Variants in USB1 observed in about 807,000 individuals in gnomAD.
USB1 encodes the protein U6 snRNA biogenesis phosphodiesterase 1.
USB1 carries 21 observed loss-of-function variants against 29.9 expected under a neutral mutation model. That is an observed-to-expected ratio of 0.70 (90% confidence interval 0.50 to 1.01). USB1 has a LOEUF of 1.01. USB1 is among the 50% of genes least tolerant of loss of function. USB1 has a pLI of 0.00. For synonymous variants in USB1, 143 were observed against 134.9 expected, an observed-to-expected ratio of 1.06 and a Z score of -0.42; for missense variants, 330 against 347.1, an observed-to-expected ratio of 0.95 and a Z score of 0.39.
intron 1 of USB1, 78 bp downstream of exon 1, chr16:58,001,659 G>C (rs966809939): frequency 6.7e-7 from 1 of 1,492,398 alleles, no homozygotes; most frequent in Non-Finnish European, 9.1e-7. Context: ...TCTGGGGGTG[G>C]AGTGGGGAGG....
chr16:58,020,167 T>C lies in USB1; in HGVS notation c.720T>C (p.Ala240=), dbSNP rs1412951594. Residue 240 remains alanine (A), a synonymous_variant, in exon 7 of 7, where the codon GCT becomes GCC. Coordinates refer to ENST00000219281, the MANE Select transcript of USB1 (RefSeq NM_024598.4). ...CAATCGTGGATGGGTTTGAAGATGCTGAGGTGCTGCTGCGCGTGCACACTG... is the reference window on the plus strand; with the variant it reads ...CAATCGTGGATGGGTTTGAAGATGCCGAGGTGCTGCTGCGCGTGCACACTG... ...LQAIVDGFED[A]EVLLRVHTEQ... is the part of the protein sequence containing the mutation. 6.2e-7 allele frequency: 1 copy of C among 1,614,210 alleles called. No homozygotes were observed. Among genetic ancestry groups the C allele is most frequent in the East Asian group, 2.2e-5 (1 of 44,884 alleles).
In USB1 at chr16:58,019,034, G is replaced by A; in HGVS notation, c.672G>A (p.Gly224=). The A allele has an allele frequency of 1.2e-6, 2 of 1,614,172 alleles. No individual in the cohort carries two copies. Among genetic ancestry groups the A allele is most frequent in the Non-Finnish European group, 1.7e-6 (2 of 1,180,022 alleles). Reference sequence around the variant, plus strand: ...GTGATGCACGTCTCCAGCTGGAGGGGCAGTGCCTGCAGGAACTACAGGTGA... The same window carrying A: ...GTGATGCACGTCTCCAGCTGGAGGGACAGTGCCTGCAGGAACTACAGGTGA... ...CVGDARLQLE[G]QCLQELQAIV... Residue 224 remains glycine, a synonymous_variant, in exon 6 of 7, where the codon GGG becomes GGA. Transcript: ENST00000219281.
Position 58,019,035 on chromosome 16 carries a change from C to T in USB1, c.673C>T (p.Gln225Ter), listed in dbSNP as rs1459714680. 29 of 1,614,184 alleles carry T rather than the reference C, an allele frequency of 1.8e-5. No homozygotes were observed. The highest frequency in any genetic ancestry group is 2.3e-5 in the Non-Finnish European group (27 of 1,180,028). ...VGDARLQLEG[Q>*]CLQELQAIVD... ...TGATGCACGTCTCCAGCTGGAGGGGCAGTGCCTGCAGGAACTACAGGTGAA... is the reference window on the plus strand; with the variant it reads ...TGATGCACGTCTCCAGCTGGAGGGGTAGTGCCTGCAGGAACTACAGGTGAA... The change falls in exon 6 of 7, where the codon CAG becomes TAG. Residue 225 changes from glutamine to a stop codon, truncating the protein, a stop_gained. Coordinates refer to ENST00000219281, the MANE Select transcript of USB1 (RefSeq NM_024598.4). LOFTEE classifies it high-confidence loss of function.
intron 2 of USB1, among the ~76,000 whole-genome samples, chr16:58,006,360 A>C (rs909293125): frequency 9.0e-5 from 13 of 144,370 alleles, no homozygotes; most frequent in Non-Finnish European, 1.7e-4. Context: ...TTCAAAAAAA[A>C]AAAAAAACAA....
chr16:58,008,641 CG>C (rs1362216119), intron 2 of USB1, among the ~76,000 whole-genome samples: 1 of 151,812 alleles, frequency 6.6e-6, no homozygotes. Flanking sequence ...TTAGTAGAGA[CG>C]GGGTGTCACC....
At position 58,014,275 on chromosome 16, in the gene USB1, T is replaced by C; in HGVS notation, c.452T>C (p.Phe151Ser). The stretch of plus-strand genomic sequence containing the variant: ...AAATATGGTCTTCTAAATTTCAGAT[T>C]CTTCTTTACTGCCAACCAGGTAAAG... Reference protein sequence around the residue: ...LKARMTSFHRFFFTANQVKIY... With the variant: ...LKARMTSFHRSFFTANQVKIY... The change falls in exon 4 of 7, where the codon TTC (phenylalanine) becomes TCC (serine). Residue 151 changes from phenylalanine to serine, a missense_variant and splice_region_variant. Coordinates refer to ENST00000219281, the MANE Select transcript of USB1 (RefSeq NM_024598.4). 1.2e-6 allele frequency: 2 copies of C among 1,613,324 alleles called. No homozygotes were observed. Among genetic ancestry groups the C allele is most frequent in the Non-Finnish European group, 1.7e-6 (2 of 1,179,524 alleles).
rs1303670191 is a variant in USB1, at chr16:58,020,561, C to CT, written c.*316_*317insT. The CT allele has an allele frequency of 2.0e-5, 7 of 351,838 alleles. 1 individual carries two copies. The highest frequency in any genetic ancestry group is 5.5e-5 in the African/African-American group (2 of 36,548). The allele number at this position is 351,838 out of a possible 1,614,324, so 21.8% of individuals were successfully genotyped here. On this transcript the variant is annotated 3_prime_UTR_variant, in exon 7 of 7. Coordinates refer to ENST00000219281, the MANE Select transcript of USB1 (RefSeq NM_024598.4). The stretch of plus-strand genomic sequence containing the variant: ...CTTCCCCTCCTGTCTCTCCTCCCCT[C>CT]CTCTCTTCCTCTCCTCTCTCTTCCT...
rs1169198691 is a variant in USB1, at chr16:58,013,163, T to C, written c.450-1110T>C. 5 of 985,430 alleles carry C rather than the reference T, an allele frequency of 5.1e-6. No individual in the cohort carries two copies. The highest frequency in any genetic ancestry group is 6.1e-5 in the Admixed American group (1 of 16,268). 61.0% of individuals were successfully genotyped at this position (985,430 alleles called of 1,614,324 possible). ...ATGCTAAGCTCTGTTTGGCCAGGCC[T>C]GGGCAGCCTGCCTCTGGAGTAGGGG... is the stretch of plus-strand genomic sequence containing the variant. On this transcript the variant is annotated intron_variant, in intron 3 of 6. Transcript: ENST00000219281. This position sits in a 1 kb window ranked among gnomAD's most constrained non-coding sequence, Gnocchi z 4.3.
At chr16:58,002,719 C>T in intron 2 of USB1, 74 bp downstream of exon 2, 1 of 1,598,168 alleles carries the variant, frequency 6.3e-7, no homozygotes, top group African/African-American at 1.3e-5. Flanking sequence ...AGAATCTGGC[C>T]CCAACTAGAA....
rs553266669 is a variant in USB1 at position 58,006,332 on chromosome 16, A to G, written c.266-3597A>G. Reference sequence around the variant, plus strand: ...GCACCATTGCACTCCGTCCTGGTCAACAAGAGCAAAACCTCGTTTCAAAAA... The same window carrying G: ...GCACCATTGCACTCCGTCCTGGTCAGCAAGAGCAAAACCTCGTTTCAAAAA... On this transcript the variant is annotated intron_variant, in intron 2 of 6. Transcript: ENST00000219281. Among the ~76,000 whole-genome samples, 3 of 147,136 alleles carry G rather than the reference A, an allele frequency of 2.0e-5. No homozygotes were observed. The East Asian group carries it at 6.0e-4, about 29-fold the overall frequency.
chr16:58,002,307 A>G (rs981822829), intron 1 of USB1, among the ~76,000 whole-genome samples, 172 bp from the exon 2 acceptor site: 7 of 152,168 alleles, frequency 4.6e-5, no homozygotes, highest in African/African-American at 1.4e-4. Flanking sequence ...GGAGACCCCA[A>G]TGAGACAATA....
intron 3 of USB1, chr16:58,011,845 T>C (rs1052793995): frequency 8.1e-6 from 8 of 991,864 alleles, no homozygotes; most frequent in East Asian, 1.1e-4. Flanking sequence ...CTGCTCACAG[T>C]AGACATCAAA....
At chr16:58,010,847 C>T in intron 3 of USB1, 1 of 606,884 alleles carries the variant, frequency 1.6e-6, no homozygotes, top group South Asian at 2.0e-5. Flanking sequence ...CGTTCTTAAT[C>T]ACCAAGGGAA....
At chr16:58,011,254 C>T in intron 3 of USB1, 13 of 1,462,092 alleles carry the variant, frequency 8.9e-6, no homozygotes, top group Non-Finnish European at 1.2e-5. Flanking sequence ...ATAGGTCAAA[C>T]AGGTCATGGT....
chr16:58,008,972 A>G (rs1449005297), intron 2 of USB1, among the ~76,000 whole-genome samples: 1 of 152,248 alleles, frequency 6.6e-6, no homozygotes, highest in African/African-American at 2.4e-5. Context: ...TTTCTGTTAC[A>G]GACTTTTAGT....
At chr16:58,008,173 A>G (rs1238242334) in intron 2 of USB1, among the ~76,000 whole-genome samples, 1 of 152,166 alleles carries the variant, frequency 6.6e-6, no homozygotes, top group Admixed American at 6.5e-5. Flanking sequence ...GGGATCTGTA[A>G]TGATGTCCCA....
chr16:58,017,916 G>A (rs527754468), intron 5 of USB1, among the ~76,000 whole-genome samples: 2 of 152,312 alleles, frequency 1.3e-5, no homozygotes, highest in African/African-American at 4.8e-5. Flanking sequence ...AGGGAGATAA[G>A]TATGAATTTG....
intron 6 of USB1, 137 bp from the exon 7 acceptor site, chr16:58,020,004 C>G: frequency 1.3e-6 from 1 of 771,186 alleles, no homozygotes; most frequent in Non-Finnish European, 2.3e-6. Flanking sequence ...CAGACAAGAT[C>G]ACCAATGCAG....
At chr16:58,009,839 A>G (rs1963447778) in intron 2 of USB1, 90 bp from the exon 3 acceptor site, 1 of 1,492,582 alleles carries the variant, frequency 6.7e-7, no homozygotes, top group Non-Finnish European at 9.3e-7. Context: ...CCAGAGTAAT[A>G]AGGACTTCCC....
Sources: gnomAD v4.1 joint callset for allele counts (sites outside exome capture counted in the v4.1 genomes callset) on GRCh38, gnomAD v4.1.1 for gene constraint, Gnocchi (gnomAD v3.1) non-coding constraint, MANE v1.5 for transcripts, NCBI Gene and HGNC (gene_info 2026-07-23, HGNC 2026-07-21) for gene names.